RBFOX1: variants seen among roughly 807,000 people sequenced by gnomAD.
The protein encoded by RBFOX1 is RNA binding fox-1 homolog 1, also known as RNA binding protein fox-1 homolog 1.
RBFOX1 carries 8 observed loss-of-function variants against 57.7 expected under a neutral mutation model. The ratio of observed to expected loss-of-function variants is 0.14; its 90% confidence interval spans 0.08 to 0.25. RBFOX1 has a LOEUF of 0.25. Among genes scored for constraint, RBFOX1 ranks in the 10% least tolerant of loss-of-function variants. The pLI is 1.00. For missense variants in RBFOX1, 611 were observed against 548.5 expected (o/e 1.11, Z -1.14); for synonymous variants, 326 against 222.4 (o/e 1.47, Z -4.15).
At chr16:7,587,368 A>T in intron 7 of RBFOX1, 68 bp downstream of exon 7, 3 of 1,409,826 alleles carry the variant, frequency 2.1e-6, no homozygotes, top group Non-Finnish European at 2.8e-6. Flanking sequence ...ATAAGGGGAA[A>T]CAACTGCACT....
chr16:7,366,903 C>T (rs980337757), intron 4 of RBFOX1, among the ~76,000 whole-genome samples: 4 of 152,062 alleles, frequency 2.6e-5, no homozygotes, highest in Admixed American at 2.6e-4. Flanking sequence ...TACTTTTCAT[C>T]CCCCCAAATC....
intron 2 of RBFOX1, among the ~76,000 whole-genome samples, chr16:5,558,718 C>T (rs375755878): frequency 3.3e-5 from 5 of 152,120 alleles, no homozygotes; most frequent in Admixed American, 6.5e-5. Flanking sequence ...CTGTCAGCCC[C>T]CTCAGAGTGC....
intron 2 of RBFOX1, among the ~76,000 whole-genome samples, chr16:6,418,739 G>A (rs1031962012): frequency 3.3e-5 from 5 of 151,960 alleles, no homozygotes; most frequent in Admixed American, 6.6e-5. Context: ...TATTGCCCAG[G>A]CTGGTCTTGA....
intron 2 of RBFOX1, among the ~76,000 whole-genome samples, chr16:5,498,361 C>G (rs532006538): frequency 1.3e-5 from 2 of 152,278 alleles, no homozygotes; most frequent in East Asian, 1.9e-4. Flanking sequence ...CCAGGCTGGT[C>G]TCAACCTCCT....
intron 4 of RBFOX1, among the ~76,000 whole-genome samples, chr16:5,984,502 T>C (rs2060242779): frequency 6.6e-6 from 1 of 152,058 alleles, no homozygotes; most frequent in East Asian, 2.0e-4. Flanking sequence ...ATTGTCTGTG[T>C]GGCAGCTGCT....
At chr16:6,884,467 A>C (rs1202699003) in intron 3 of RBFOX1, among the ~76,000 whole-genome samples, 1 of 152,208 alleles carries the variant, frequency 6.6e-6, no homozygotes, top group Non-Finnish European at 1.5e-5. Flanking sequence ...TCTTATTATT[A>C]GTGGCTACAA....
intron 3 of RBFOX1, among the ~76,000 whole-genome samples, chr16:5,717,183 T>C (rs1436247298): frequency 1.3e-5 from 2 of 152,180 alleles, no homozygotes; most frequent in African/African-American, 4.8e-5. Flanking sequence ...AGTTCAGTGT[T>C]ATAATAATTT....
chr16:7,367,265 T>C (rs1400447322), intron 4 of RBFOX1, among the ~76,000 whole-genome samples: 1 of 152,152 alleles, frequency 6.6e-6, no homozygotes, highest in Non-Finnish European at 1.5e-5. Flanking sequence ...ATTTGAGAGT[T>C]GCTGTTTTGA....
intron 4 of RBFOX1, among the ~76,000 whole-genome samples, chr16:5,981,841 T>G (rs76235350): frequency 0.015 from 2,254 of 152,254 alleles, 48 homozygotes; most frequent in African/African-American, 0.051. Flanking sequence ...CATGGGATAT[T>G]TTTGGCTGTC....
intron 4 of RBFOX1, among the ~76,000 whole-genome samples, chr16:5,936,184 C>T (rs552233894): frequency 1.3e-5 from 2 of 152,222 alleles, no homozygotes; most frequent in Admixed American, 6.5e-5. Context: ...AGTGCCGTGG[C>T]GTGATCTTGG....
chr16:6,004,579 C>A (rs1326136433), intron 4 of RBFOX1, among the ~76,000 whole-genome samples: 1 of 152,178 alleles, frequency 6.6e-6, no homozygotes, highest in African/African-American at 2.4e-5. Flanking sequence ...CAGATTTCTG[C>A]AGCTTCTTAT....
chr16:5,558,248 A>G (rs2045754105), intron 2 of RBFOX1, among the ~76,000 whole-genome samples: 1 of 152,092 alleles, frequency 6.6e-6, no homozygotes, highest in South Asian at 2.1e-4. Flanking sequence ...TGATTAACAC[A>G]CAAGCTGTCT....
In RBFOX1 at chr16:6,766,511, G is replaced by A. The variant is rs924470006; in HGVS notation, c.-16+111861G>A. Among the ~76,000 whole-genome samples, 7 of 151,818 alleles carry A rather than the reference G, an allele frequency of 4.6e-5. No homozygotes were observed. The South Asian group carries it at 8.4e-4, about 18-fold the overall frequency. On this transcript the variant is annotated intron_variant, in intron 3 of 15. Transcript: ENST00000550418. ...GGAGAGGGGAATGAGAAAATATTCC[G>A]GAATAGCACTGTCCAATAGAACTTT...
chr16:7,124,260 A>T lies in RBFOX1; in HGVS notation c.27+72162A>T, dbSNP rs1459284796. Among the ~76,000 whole-genome samples, 4 of 152,136 alleles carry T rather than the reference A, an allele frequency of 2.6e-5. No homozygotes were observed. In the East Asian group the frequency reaches 5.8e-4, roughly 22 times the overall value. On this transcript the variant is annotated intron_variant, in intron 4 of 15. Coordinates refer to ENST00000550418, the MANE Select transcript of RBFOX1 (RefSeq NM_018723.4). ...ACTAGCCTGGGCAAAAATATTTTTT[A>T]AAAAATTGCCAGGTGTAGTGGTGTG...
At chr16:5,858,852 C>T (rs931707753) in intron 3 of RBFOX1, among the ~76,000 whole-genome samples, 31 of 152,264 alleles carry the variant, frequency 2.0e-4, no homozygotes, top group African/African-American at 7.5e-4. Flanking sequence ...GGCTCAGTGG[C>T]TGGAACCAAG....
chr16:7,704,799 C>T (rs992185383), intron 14 of RBFOX1, among the ~76,000 whole-genome samples: 1 of 152,082 alleles, frequency 6.6e-6, no homozygotes, highest in East Asian at 1.9e-4. Context: ...GTTTGTAATC[C>T]TAGCACTTTG....
intron 2 of RBFOX1, among the ~76,000 whole-genome samples, chr16:6,618,858 C>G (rs957196158): frequency 6.6e-6 from 1 of 152,150 alleles, no homozygotes; most frequent in Non-Finnish European, 1.5e-5. Flanking sequence ...CCTCTTTGGA[C>G]CCTGTGTTCA....
intron 2 of RBFOX1, among the ~76,000 whole-genome samples, chr16:6,639,610 C>T (rs1268785730): frequency 6.6e-6 from 1 of 152,184 alleles, no homozygotes; most frequent in Non-Finnish European, 1.5e-5. Context: ...GGCACGGTGG[C>T]TCACGCCTGT....
At chr16:6,539,969 A>G (rs898798021) in intron 2 of RBFOX1, among the ~76,000 whole-genome samples, 2 of 152,176 alleles carry the variant, frequency 1.3e-5, no homozygotes, top group African/African-American at 4.8e-5. Flanking sequence ...TGAAAAAATT[A>G]CCAATGTCTT....
Sources: allele counts gnomAD v4.1 joint callset (sites outside exome capture counted in the v4.1 genomes callset), GRCh38; gene constraint gnomAD v4.1.1; transcripts MANE v1.5; gene names NCBI Gene and HGNC (gene_info 2026-07-23, HGNC 2026-07-21).